The following MAST4 variants were observed in gnomAD, a reference collection of about 807,000 sequenced individuals.
The protein encoded by MAST4 is microtubule associated serine/threonine kinase family member 4, also known as microtubule-associated serine/threonine-protein kinase 4.
Under a neutral mutation model 162.7 loss-of-function variants are expected in MAST4, and 89 were observed. The observed-to-expected ratio is 0.55, with a 90% CI of 0.46 to 0.65. The LOEUF is 0.65. MAST4 is among the 30% of genes least tolerant of loss of function. The pLI is 0.00. For synonymous variants in MAST4, 1,479 were observed against 1,361.1 expected (o/e 1.09, Z -1.91); for missense variants, 3,153 against 3,374.0 (o/e 0.93, Z 1.62).
intron 4 of MAST4, among the ~76,000 whole-genome samples, chr5:66,972,438 T>C (rs1165491167): frequency 6.6e-6 from 1 of 152,224 alleles, no homozygotes; most frequent in African/African-American, 2.4e-5. Context: ...TTTTTTTCTC[T>C]CCTCTTTATA....
chr5:66,904,943 C>A (rs554433329), intron 4 of MAST4, among the ~76,000 whole-genome samples: 6 of 152,114 alleles, frequency 3.9e-5, no homozygotes, highest in Admixed American at 3.9e-4. Context: ...CACTAATAGA[C>A]CTAGTAGACC....
intron 1 of MAST4, among the ~76,000 whole-genome samples, chr5:66,645,531 TTTCA>T (rs1745776208): frequency 6.6e-6 from 1 of 152,182 alleles, no homozygotes; most frequent in Non-Finnish European, 1.5e-5. Context: ...GGAATATTTC[TTTCA>T]TTTTTATTTT....
chr5:67,028,818 T>C (rs1193588435), intron 4 of MAST4, among the ~76,000 whole-genome samples: 2 of 151,722 alleles, frequency 1.3e-5, no homozygotes, highest in African/African-American at 4.8e-5. Flanking sequence ...GGCAAGAGAG[T>C]TCCAGATTGG....
At chr5:66,626,025 CAG>C (rs1744403035) in intron 1 of MAST4, among the ~76,000 whole-genome samples, 1 of 151,990 alleles carries the variant, frequency 6.6e-6, no homozygotes, top group African/African-American at 2.4e-5. Context: ...AAATGAGACA[CAG>C]AAAGAAATAT....
intron 3 of MAST4, among the ~76,000 whole-genome samples, chr5:66,886,429 A>G (rs959501450): frequency 5.9e-5 from 9 of 152,062 alleles, no homozygotes; most frequent in Non-Finnish European, 1.0e-4. Flanking sequence ...TGTAACTTCA[A>G]ATGATAGGCT....
chr5:67,105,971 T>A (rs947652551), intron 10 of MAST4, among the ~76,000 whole-genome samples: 2 of 152,178 alleles, frequency 1.3e-5, no homozygotes, highest in Non-Finnish European at 2.9e-5. Flanking sequence ...ACTGACATCC[T>A]CCTTATTGTC....
Position 67,165,031 on chromosome 5 carries a change from C to A in MAST4, c.5852C>A (p.Ala1951Asp). 1 of 1,611,556 alleles carries A rather than the reference C, an allele frequency of 6.2e-7. No individual in the cohort carries two copies. Among genetic ancestry groups the A allele is most frequent in the South Asian group, 1.1e-5 (1 of 90,700 alleles). The change falls in exon 29 of 29, where the codon GCC becomes GAC. Residue 1951 changes from alanine (A) to aspartate (D), a missense_variant. By Grantham distance (126) the Ala-to-Asp change is moderately radical. This residue lies in a region of MAST4 where 1,644 missense variants were observed against 1,495.0 expected (regional missense o/e 1.10). Coordinates refer to ENST00000403625, the MANE Select transcript of MAST4 (RefSeq NM_001164664.2). ...CAGAACCTCCACAGCCCTGACCTGG[C>A]CAGGCCACGCTGCCCGCTCCCACCT... is the stretch of plus-strand genomic sequence containing the variant. Reference protein sequence around the residue: ...LGQNLHSPDLARPRCPLPPEA... With the variant: ...LGQNLHSPDLDRPRCPLPPEA...
chr5:66,750,304 C>T (rs953972961), intron 1 of MAST4, among the ~76,000 whole-genome samples: 5 of 152,110 alleles, frequency 3.3e-5, no homozygotes, highest in African/African-American at 7.2e-5. Context: ...CCAAGATGGC[C>T]GAATAGGAAC....
intron 1 of MAST4, among the ~76,000 whole-genome samples, chr5:66,599,862 AAG>A (rs1412762468): frequency 6.6e-6 from 1 of 152,118 alleles, no homozygotes; most frequent in Non-Finnish European, 1.5e-5. Context: ...AAAAAATGGA[AAG>A]AGGTTCATTT....
intron 1 of MAST4, among the ~76,000 whole-genome samples, chr5:66,608,861 A>G (rs1336144072): frequency 6.6e-6 from 1 of 152,044 alleles, no homozygotes; most frequent in African/African-American, 2.4e-5. Flanking sequence ...TAACTTTAGA[A>G]CCTGTGAATT....
intron 2 of MAST4, among the ~76,000 whole-genome samples, chr5:66,769,107 A>G (rs893849734): frequency 1.5e-4 from 23 of 152,194 alleles, no homozygotes; most frequent in African/African-American, 5.3e-4. Context: ...GAGATCATGA[A>G]TTGAAAGTGA....
intron 1 of MAST4, among the ~76,000 whole-genome samples, chr5:66,661,276 G>GC (rs1746892635): frequency 6.6e-6 from 1 of 152,142 alleles, no homozygotes; most frequent in Admixed American, 6.5e-5. Flanking sequence ...GTCATCCTTG[G>GC]CATGTGTGTG....
intron 5 of MAST4, among the ~76,000 whole-genome samples, chr5:67,058,842 G>T (rs776367892): frequency 6.6e-6 from 1 of 152,204 alleles, no homozygotes; most frequent in Admixed American, 6.5e-5. Context: ...TAAAAAGAAG[G>T]CTGTAAAAAT....
intron 7 of MAST4, 96 bp from the exon 8 acceptor site, chr5:67,100,339 G>T: frequency 6.8e-5 from 75 of 1,095,362 alleles, no homozygotes; most frequent in East Asian, 7.6e-5. Flanking sequence ...CAATAAAAAT[G>T]GTGGTATTGT....
intron 2 of MAST4, among the ~76,000 whole-genome samples, chr5:66,771,168 T>A (rs1452393887): frequency 1.3e-5 from 2 of 151,936 alleles, no homozygotes; most frequent in Non-Finnish European, 2.9e-5. Flanking sequence ...TGTGTAAATA[T>A]ATTTCTTTCT....
chr5:66,600,994 T>G (rs553496385), intron 1 of MAST4, among the ~76,000 whole-genome samples: 1 of 152,338 alleles, frequency 6.6e-6, no homozygotes, highest in Admixed American at 6.5e-5. Flanking sequence ...AACAATAGGC[T>G]TACAGTGATA....
At chr5:67,161,606 G>A (rs1208656474) in intron 27 of MAST4, among the ~76,000 whole-genome samples, 2 of 152,170 alleles carry the variant, frequency 1.3e-5, no homozygotes, top group African/African-American at 2.4e-5. Context: ...GCAATATGTA[G>A]ACAAATGGGA....
chr5:67,095,787 A>G (rs113981307), intron 7 of MAST4, 112 bp downstream of exon 7: 1 of 697,752 alleles, frequency 1.4e-6, no homozygotes. Context: ...TAAATTCTGC[A>G]TGTCTGCCAC....
intron 1 of MAST4, among the ~76,000 whole-genome samples, chr5:66,664,350 G>A (rs760646670): frequency 2.7e-5 from 4 of 148,522 alleles, no homozygotes; most frequent in Admixed American, 6.8e-5. Context: ...TAGGAGAATC[G>A]CTTGAACCCG....
Sources: allele counts gnomAD v4.1 joint callset (sites outside exome capture counted in the v4.1 genomes callset), GRCh38; gene constraint gnomAD v4.1.1; regional missense constraint gnomAD v4.1.1; transcripts MANE v1.5; gene names NCBI Gene and HGNC (gene_info 2026-07-23, HGNC 2026-07-21).